Variants in CSMD3 observed in about 807,000 individuals in gnomAD.
CSMD3 encodes the protein CUB and sushi domain-containing protein 3.
In CSMD3, 177 loss-of-function variants were observed where a neutral mutation model predicts 435.2. That is an observed-to-expected ratio of 0.41 (90% CI 0.36 to 0.46). The LOEUF is 0.46. Ranked by LOEUF, CSMD3 falls within the 20% of genes least tolerant of loss-of-function variation. The pLI is 0.34. For missense variants in CSMD3, 4,265 were observed against 4,504.6 expected, an observed-to-expected ratio of 0.95 and a Z score of 1.52; for synonymous variants, 1,656 against 1,520.5, an observed-to-expected ratio of 1.09 and a Z score of -2.07.
intron 4 of CSMD3, among the ~76,000 whole-genome samples, chr8:113,107,670 G>A (rs570169559): frequency 6.6e-6 from 1 of 152,302 alleles, no homozygotes; most frequent in South Asian, 2.1e-4. Context: ...GGTTGTGTTA[G>A]TAGACCCATG....
chr8:112,491,295 C>T (rs1820666161), intron 31 of CSMD3, among the ~76,000 whole-genome samples: 2 of 152,064 alleles, frequency 1.3e-5, no homozygotes, highest in South Asian at 2.1e-4. Flanking sequence ...TAAATATATA[C>T]ACAGAGGTAT....
intron 5 of CSMD3, among the ~76,000 whole-genome samples, chr8:113,089,524 T>C (rs1360038709): frequency 2.6e-5 from 4 of 152,150 alleles, no homozygotes; most frequent in Non-Finnish European, 5.9e-5. Flanking sequence ...AATTATCTTG[T>C]TAAATACATG....
At chr8:112,892,960 G>A (rs1011906078) in intron 10 of CSMD3, among the ~76,000 whole-genome samples, 4 of 151,414 alleles carry the variant, frequency 2.6e-5, no homozygotes, top group African/African-American at 4.8e-5. Context: ...GCAATTGTTT[G>A]TTGAATAAAT....
chr8:112,341,748 C>T (rs1586819770), intron 41 of CSMD3, 62 bp from the exon 42 acceptor site: 5 of 994,436 alleles, frequency 5.0e-6, no homozygotes, highest in Admixed American at 1.9e-5. Flanking sequence ...CATAAATATA[C>T]ACACACACAA....
chr8:112,818,179 A>G (rs1775638344), intron 12 of CSMD3, among the ~76,000 whole-genome samples: 1 of 152,000 alleles, frequency 6.6e-6, no homozygotes, highest in Non-Finnish European at 1.5e-5. Flanking sequence ...AAAGCCTTAT[A>G]TTTACAATAC....
At chr8:113,228,238 C>A (rs1001057355) in intron 3 of CSMD3, among the ~76,000 whole-genome samples, 1 of 151,562 alleles carries the variant, frequency 6.6e-6, no homozygotes, top group African/African-American at 2.4e-5. Flanking sequence ...TTTGTTTACA[C>A]ACCATATTTC....
At chr8:112,255,519 G>A in intron 61 of CSMD3, 92 bp from the exon 62 acceptor site, 1 of 1,074,170 alleles carries the variant, frequency 9.3e-7, no homozygotes, top group South Asian at 1.3e-5. Context: ...TTTGAATATT[G>A]TACTAAAGAG....
At chr8:113,394,838 T>C (rs1057283033) in intron 1 of CSMD3, among the ~76,000 whole-genome samples, 1 of 151,912 alleles carries the variant, frequency 6.6e-6, no homozygotes, top group Non-Finnish European at 1.5e-5. Context: ...ATAATCAAGG[T>C]GTTAATAAGG....
At chr8:112,520,855 T>C (rs1201477765) in intron 27 of CSMD3, among the ~76,000 whole-genome samples, 2 of 151,992 alleles carry the variant, frequency 1.3e-5, no homozygotes, top group Admixed American at 1.3e-4. Context: ...TCCTTCTTTA[T>C]AATTTTTTGA....
At chr8:112,849,592 T>C (rs1264374148) in intron 11 of CSMD3, among the ~76,000 whole-genome samples, 1 of 151,862 alleles carries the variant, frequency 6.6e-6, no homozygotes, top group Non-Finnish European at 1.5e-5. Context: ...GAAATAAGCA[T>C]ATTATCAATT....
At chr8:112,681,039 C>CT (rs397686222) in intron 16 of CSMD3, among the ~76,000 whole-genome samples, 172 of 139,464 alleles carry the variant, frequency 1.2e-3, no homozygotes, top group Middle Eastern at 3.7e-3. Context: ...TTTCCTTTTT[C>CT]TTTTTTTTTT....
chr8:112,750,135 A>G (rs13259225), intron 13 of CSMD3, among the ~76,000 whole-genome samples: 31,117 of 151,932 alleles, frequency 0.2, 4,023 homozygotes, highest in Non-Finnish European at 0.3. Flanking sequence ...ACAAAATCCA[A>G]TCTTAGACTA....
chr8:112,744,708 T>C (rs148884089), intron 13 of CSMD3, among the ~76,000 whole-genome samples: 361 of 152,090 alleles, frequency 2.4e-3, no homozygotes, highest in African/African-American at 6.9e-3. Context: ...GGTGACAAAA[T>C]AAAACCTCAC....
intron 1 of CSMD3, among the ~76,000 whole-genome samples, chr8:113,429,656 T>C (rs1479064184): frequency 6.6e-6 from 1 of 152,144 alleles, no homozygotes; most frequent in Admixed American, 6.6e-5. Flanking sequence ...CTAATACTAA[T>C]TGATATATAG....
intron 61 of CSMD3, among the ~76,000 whole-genome samples, chr8:112,262,831 T>C (rs971090606): frequency 2.6e-5 from 4 of 152,032 alleles, no homozygotes; most frequent in African/African-American, 7.2e-5. Flanking sequence ...TATGAGCATG[T>C]AGGGGATTTA....
Position 112,732,406 on chromosome 8 carries a change from A to G in CSMD3, c.1973-42356T>C, listed in dbSNP as rs192975678. 2.6e-5 allele frequency among the ~76,000 whole-genome samples: 4 copies of G among 152,112 alleles called. No individual in the cohort carries two copies. In the South Asian group the frequency reaches 6.2e-4, roughly 24 times the overall value. ...TTCCTTTTCATTCTGTAATTGTTTA[A>G]TTATATTAATTTGAGAAGACATGAA... is the stretch of plus-strand genomic sequence containing the variant. On this transcript the variant is annotated intron_variant, in intron 13 of 70. Transcript: ENST00000297405.
At chr8:113,261,112 G>A (rs182093059) in intron 3 of CSMD3, among the ~76,000 whole-genome samples, 52 of 152,242 alleles carry the variant, frequency 3.4e-4, no homozygotes, top group Middle Eastern at 3.4e-3. Flanking sequence ...AGTACATACA[G>A]ATGGGCCGAG....
chr8:112,594,411 C>G (rs553656076), intron 22 of CSMD3, among the ~76,000 whole-genome samples: 1 of 152,204 alleles, frequency 6.6e-6, no homozygotes, highest in Non-Finnish European at 1.5e-5. Context: ...AGTCTGAGAT[C>G]AAACTGCAAG....
chr8:112,442,758 G>A (rs945572371), intron 32 of CSMD3, among the ~76,000 whole-genome samples: 1 of 152,032 alleles, frequency 6.6e-6, no homozygotes, highest in Non-Finnish European at 1.5e-5. Flanking sequence ...TAAAACTTCC[G>A]TGTCCCATTC....
Sources: allele counts gnomAD v4.1 joint callset (sites outside exome capture counted in the v4.1 genomes callset), GRCh38; gene constraint gnomAD v4.1.1; transcripts MANE v1.5; gene names NCBI Gene and HGNC (gene_info 2026-07-23, HGNC 2026-07-21).